The following CMKLR2 variants were observed in gnomAD, a reference collection of about 807,000 sequenced individuals.
CMKLR2 encodes the protein chemerin chemokine-like receptor 2, also known as chemerin-like receptor 2.
In CMKLR2, 18 loss-of-function variants were observed where a neutral mutation model predicts 23.0. That is an observed-to-expected ratio of 0.78 (90% CI 0.54 to 1.16). CMKLR2 has a LOEUF of 1.16. CMKLR2 is among the 50% of genes most tolerant of loss of function. CMKLR2 has a pLI of 0.00. For missense variants in CMKLR2, 401 were observed against 412.7 expected, an observed-to-expected ratio of 0.97 and a Z score of 0.25; for synonymous variants, 158 against 158.9, an observed-to-expected ratio of 0.99 and a Z score of 0.05.
chr2:206,180,877 C>T (rs113130428), intron 1 of CMKLR2, among the ~76,000 whole-genome samples: 15,334 of 150,878 alleles, frequency 0.1, 914 homozygotes, highest in Admixed American at 0.19. Flanking sequence ...GCCTCAGCCT[C>T]CCTAATAGCT....
rs897438797 is a variant in CMKLR2 at position 206,185,783 on chromosome 2, A to AT, written c.-28-8509dup. 3.9e-4 allele frequency among the ~76,000 whole-genome samples: 59 copies of AT among 152,272 alleles called. 1 individual carries two copies. Among genetic ancestry groups the AT allele is most frequent in the African/African-American group, 1.4e-3 (57 of 41,556 alleles). On this transcript the variant is annotated intron_variant, in intron 1 of 1. Transcript: ENST00000621141. ...TGGGAAATGATTAGATTCTAGGTAT[A>AT]TTTTGTAGACAGAACCAACAGTTTT...
chr2:206,200,372 G>A (rs185510753), intron 1 of CMKLR2, among the ~76,000 whole-genome samples: 58 of 152,204 alleles, frequency 3.8e-4, no homozygotes, highest in South Asian at 2.1e-3. Context: ...GCGGTGAGCC[G>A]AGATGGCGCC....
intron 1 of CMKLR2, among the ~76,000 whole-genome samples, chr2:206,194,891 C>T (rs778788589): frequency 1.8e-4 from 27 of 151,624 alleles, no homozygotes; most frequent in Admixed American, 4.0e-4. Flanking sequence ...GTAGCTGGGA[C>T]TACAGGCACC....
rs1214598213 is a variant in CMKLR2, at chr2:206,213,333, CTAT to C, written c.-58_-56del. The C allele has an allele frequency of 6.6e-6, 1 of 152,200 alleles. No individual in the cohort carries two copies. The highest frequency in any genetic ancestry group is 1.5e-5 in the Non-Finnish European group (1 of 68,042). 9.4% of individuals were successfully genotyped at this position (152,200 alleles called of 1,614,324 possible). ...AGTTAAATTTCTGTGAGGAGAGAAG[CTAT>C]TGTCATGCCTGGGTGTACCTTCCCG... On this transcript the variant is annotated 5_prime_UTR_variant, in exon 1 of 2. Coordinates refer to ENST00000621141, the MANE Select transcript of CMKLR2 (RefSeq NM_001389445.1).
Position 206,175,469 on chromosome 2 carries a change from ATTAG to A in CMKLR2, c.*707_*710del, listed in dbSNP as rs1351437378. The A allele has an allele frequency of 7.2e-5, 11 of 152,198 alleles. No homozygotes were observed. The highest frequency in any genetic ancestry group is 2.1e-4 in the South Asian group (1 of 4,832). The allele number at this position is 152,198 out of a possible 1,614,324, so 9.4% of individuals were successfully genotyped here. A position where few individuals can be genotyped will look rare whatever the true frequency, so the allele number is the denominator to read the frequency against. The stretch of plus-strand genomic sequence containing the variant: ...AAGAATACATTTTAACATTTTTAAA[ATTAG>A]TTAATCATATATTTATTTATCTATT... On this transcript the variant is annotated 3_prime_UTR_variant, in exon 2 of 2. Coordinates refer to ENST00000621141, the MANE Select transcript of CMKLR2 (RefSeq NM_001389445.1).
intron 1 of CMKLR2, among the ~76,000 whole-genome samples, chr2:206,211,725 A>G (rs1689570513): frequency 6.6e-6 from 1 of 150,982 alleles, no homozygotes; most frequent in Non-Finnish European, 1.5e-5. Context: ...TTAAGATGGC[A>G]TATATAAAAC....
chr2:206,199,903 C>T (rs1350141627), intron 1 of CMKLR2, among the ~76,000 whole-genome samples: 1 of 152,062 alleles, frequency 6.6e-6, no homozygotes, highest in African/African-American at 2.4e-5. Context: ...TTTCCACATA[C>T]CTATTCTCTA....
At position 206,176,460 on chromosome 2, in the gene CMKLR2, T is replaced by C. The variant is rs771185033; in HGVS notation, c.788A>G (p.His263Arg). 6.2e-7 allele frequency: 1 copy of C among 1,614,080 alleles called. No individual in the cohort carries two copies. Among genetic ancestry groups the C allele is most frequent in the South Asian group, 1.1e-5 (1 of 91,082 alleles). Residue 263 changes from histidine (H) to arginine (R), a missense_variant, in exon 2 of 2, where the codon CAC becomes CGC. His to Arg is a conservative substitution (Grantham distance 29). Coordinates refer to ENST00000621141, the MANE Select transcript of CMKLR2 (RefSeq NM_001389445.1). ...GGTGAGCTCCCAAATGCTAAACAGG[T>C]GATAAGGAGTCCAGCAAACCACAAA... ...VAFVVCWTPY[H>R]LFSIWELTIH...
rs66681603 is a variant in CMKLR2 at position 206,206,917 on chromosome 2, CTTT to C, written c.-29+6387_-29+6389del. Reference sequence around the variant, plus strand: ...AGTTCCTGTTTCAGTCCCCCTGCCCCTTTTTTTTTTTTTTTTTTAATCAAAAGC... The same window carrying C: ...AGTTCCTGTTTCAGTCCCCCTGCCCCTTTTTTTTTTTTTTTAATCAAAAGC... On this transcript the variant is annotated intron_variant, in intron 1 of 1. Transcript: ENST00000621141. Among the ~76,000 whole-genome samples, 130 of 126,134 alleles carry C rather than the reference CTTT, an allele frequency of 1.0e-3. 1 individual carries two copies. Among genetic ancestry groups the C allele is most frequent in the Middle Eastern group, 4.1e-3 (1 of 244 alleles). 82.7% of individuals were successfully genotyped at this position (126,134 alleles called of 152,430 possible).
chr2:206,187,118 G>A (rs528176990), intron 1 of CMKLR2, among the ~76,000 whole-genome samples: 15 of 152,158 alleles, frequency 9.9e-5, no homozygotes, highest in East Asian at 1.9e-4. Flanking sequence ...AGGCCAAGAC[G>A]GGCAGATCAC....
In CMKLR2 at chr2:206,176,399, C is replaced by T. The variant is rs1241037105; in HGVS notation, c.849G>A (p.Gln283=). ...HHNSYSHHVM[Q]AGIPLSTGLA... ...AACCAGTGGAGAGGGGGATTCCAGC[C>T]TGCATCACATGGTGGGAATAGCTAT... The change falls in exon 2 of 2, where the codon CAG becomes CAA. Residue 283 remains glutamine, a synonymous_variant. Coordinates refer to ENST00000621141, the MANE Select transcript of CMKLR2 (RefSeq NM_001389445.1). The T allele has an allele frequency of 6.2e-7, 1 of 1,614,034 alleles. No homozygotes were observed. Among genetic ancestry groups the T allele is most frequent in the Non-Finnish European group, 8.5e-7 (1 of 1,180,038 alleles).
chr2:206,191,837 A>AT (rs774926244), intron 1 of CMKLR2, among the ~76,000 whole-genome samples: 24,106 of 119,196 alleles, frequency 0.2, 2,765 homozygotes, highest in Admixed American at 0.25. Flanking sequence ...TGCCCAACTA[A>AT]TTTTTTTTTT....
upstream of CMKLR2, among the ~76,000 whole-genome samples, chr2:206,216,299 C>G (rs1033537636): frequency 6.6e-6 from 1 of 152,106 alleles, no homozygotes; most frequent in Admixed American, 6.5e-5. Flanking sequence ...ACTAAAAATA[C>G]AAAAATTAGC....
chr2:206,202,521 C>T (rs1426781393), intron 1 of CMKLR2, among the ~76,000 whole-genome samples: 4 of 152,020 alleles, frequency 2.6e-5, no homozygotes, highest in Non-Finnish European at 5.9e-5. Flanking sequence ...AGTGCAGTGG[C>T]GCAATAATGG....
chr2:206,199,677 C>A (rs1689030645), intron 1 of CMKLR2, among the ~76,000 whole-genome samples: 2 of 151,614 alleles, frequency 1.3e-5, no homozygotes, highest in Non-Finnish European at 2.9e-5. Context: ...CTCACTGCAA[C>A]CTCTGCCTCC....
intron 1 of CMKLR2, among the ~76,000 whole-genome samples, chr2:206,200,752 C>T (rs1424646990): frequency 2.6e-5 from 4 of 152,264 alleles, no homozygotes; most frequent in South Asian, 4.1e-4. Context: ...CATGTGCCAT[C>T]GTACCTAATA....
chr2:206,183,587 A>G (rs1437435135), intron 1 of CMKLR2, among the ~76,000 whole-genome samples: 1 of 152,234 alleles, frequency 6.6e-6, no homozygotes, highest in Non-Finnish European at 1.5e-5. Flanking sequence ...TTTAAGGTGT[A>G]GTTCAGCCTT....
intron 1 of CMKLR2, among the ~76,000 whole-genome samples, chr2:206,180,488 G>A (rs564513402): frequency 5.3e-5 from 8 of 152,186 alleles, no homozygotes; most frequent in Non-Finnish European, 7.4e-5. Context: ...AGGTCAGAAC[G>A]CAGTGGCACA....
chr2:206,202,599 T>C (rs1270597887), intron 1 of CMKLR2, among the ~76,000 whole-genome samples: 2 of 151,948 alleles, frequency 1.3e-5, no homozygotes, highest in South Asian at 4.2e-4. Flanking sequence ...TAGCTGGGGC[T>C]GCAGGCGCGC....
Sources: allele counts gnomAD v4.1 joint callset (sites outside exome capture counted in the v4.1 genomes callset), GRCh38; gene constraint gnomAD v4.1.1; transcripts MANE v1.5; gene names NCBI Gene and HGNC (gene_info 2026-07-23, HGNC 2026-07-21).